The following SND1 variants were observed in gnomAD, a reference collection of about 807,000 sequenced individuals.
SND1 encodes staphylococcal nuclease domain-containing protein 1.
In SND1, 38 loss-of-function variants were observed where a neutral mutation model predicts 121.7. The observed-to-expected ratio is 0.31, with a 90% CI of 0.24 to 0.41. The LOEUF (loss-of-function observed/expected upper bound fraction) is 0.41. Ranked by LOEUF, SND1 falls within the 10% of genes least tolerant of loss-of-function variation. The probability of loss-of-function intolerance (pLI) is 1.00; values close to 1 mark genes in which losing one functional copy is unlikely to be tolerated. For missense variants in SND1, 868 were observed against 1,184.6 expected, an observed-to-expected ratio of 0.73 and a Z score of 3.92; for synonymous variants, 401 against 447.4, an observed-to-expected ratio of 0.90 and a Z score of 1.31.
chr7:127,767,097 C>T (rs1584558077), intron 10 of SND1, among the ~76,000 whole-genome samples: 1 of 152,080 alleles, frequency 6.6e-6, no homozygotes, highest in Non-Finnish European at 1.5e-5. Flanking sequence ...GCTTGCAAAA[C>T]TTAATCGTCA....
chr7:127,724,426 G>A (rs1464970503), intron 10 of SND1, among the ~76,000 whole-genome samples: 2 of 152,204 alleles, frequency 1.3e-5, no homozygotes, highest in African/African-American at 4.8e-5. Flanking sequence ...TGCATGAGTG[G>A]TATGACACCT....
At chr7:127,802,328 T>C (rs1158338050) in intron 10 of SND1, among the ~76,000 whole-genome samples, 1 of 152,156 alleles carries the variant, frequency 6.6e-6, no homozygotes, top group African/African-American at 2.4e-5. Context: ...TCAGGTTTTT[T>C]CTTAACATTC....
At chr7:127,724,124 G>C (rs1447410826) in intron 10 of SND1, among the ~76,000 whole-genome samples, 1 of 152,156 alleles carries the variant, frequency 6.6e-6, no homozygotes, top group East Asian at 1.9e-4. Context: ...TACTGTGTTG[G>C]GGGTGCAGCA....
intron 14 of SND1, among the ~76,000 whole-genome samples, chr7:127,918,696 T>C (rs1364083289): frequency 6.6e-6 from 1 of 152,224 alleles, no homozygotes; most frequent in African/African-American, 2.4e-5. Flanking sequence ...AGAATTGATT[T>C]AATCAGCCTT....
chr7:127,966,369 G>T (rs1471735646), intron 15 of SND1, among the ~76,000 whole-genome samples: 1 of 146,570 alleles, frequency 6.8e-6, no homozygotes, highest in Non-Finnish European at 1.5e-5. Flanking sequence ...GACATCTACA[G>T]AACTCTCCAC....
At chr7:127,761,391 G>A (rs960953181) in intron 10 of SND1, among the ~76,000 whole-genome samples, 1 of 152,208 alleles carries the variant, frequency 6.6e-6, no homozygotes, top group South Asian at 2.1e-4. Context: ...AGGTGTGAGA[G>A]CTGTGGTCAG....
chr7:127,871,845 T>C (rs1799594659), intron 12 of SND1, among the ~76,000 whole-genome samples: 1 of 152,078 alleles, frequency 6.6e-6, no homozygotes, highest in Non-Finnish European at 1.5e-5. Context: ...TGTTAAAAAT[T>C]ATAGGCTGGG....
intron 16 of SND1, among the ~76,000 whole-genome samples, chr7:128,056,594 A>T (rs1053191678): frequency 1.3e-5 from 2 of 152,208 alleles, no homozygotes; most frequent in South Asian, 4.1e-4. Context: ...CACAAAGTCA[A>T]ATAGTTTTCT....
At chr7:127,786,091 A>G (rs1797806993) in intron 10 of SND1, among the ~76,000 whole-genome samples, 1 of 150,898 alleles carries the variant, frequency 6.6e-6, no homozygotes, top group South Asian at 2.1e-4. Context: ...ATTTGTTGAC[A>G]TCCTTTTTTT....
At chr7:127,904,872 C>A in intron 14 of SND1, 53 bp downstream of exon 14, 1 of 1,135,152 alleles carries the variant, frequency 8.8e-7, no homozygotes, top group South Asian at 1.2e-5. Flanking sequence ...AAGAGCGTGT[C>A]TGCATATTTG....
intron 21 of SND1, among the ~76,000 whole-genome samples, chr7:128,088,446 C>CT (rs1047161140): frequency 0.083 from 6,680 of 80,076 alleles, 417 homozygotes; most frequent in Non-Finnish European, 0.1. Flanking sequence ...CCCTATCTCT[C>CT]TTTTTTTTTT....
intron 1 of SND1, among the ~76,000 whole-genome samples, chr7:127,682,902 A>C (rs1795751256): frequency 6.6e-6 from 1 of 152,202 alleles, no homozygotes; most frequent in Admixed American, 6.5e-5. Context: ...AAATTATAAC[A>C]ATAATCAACC....
At chr7:127,862,949 G>T (rs1049218391) in intron 12 of SND1, among the ~76,000 whole-genome samples, 6 of 152,122 alleles carry the variant, frequency 3.9e-5, no homozygotes, top group Non-Finnish European at 5.9e-5. Flanking sequence ...TGCTTTCTTT[G>T]AGAACATGTC....
At chr7:127,858,247 C>CA in intron 12 of SND1, 1 of 771,250 alleles carries the variant, frequency 1.3e-6, no homozygotes, top group African/African-American at 1.7e-5. Context: ...CCTGGGCCAC[C>CA]ATCTGGTCGG....
chr7:127,792,156 G>T (rs144938145), intron 10 of SND1, among the ~76,000 whole-genome samples: 269 of 152,222 alleles, frequency 1.8e-3, no homozygotes, highest in African/African-American at 6.1e-3. Context: ...GCATTTCTCG[G>T]TCATCACATA....
Position 127,652,292 on chromosome 7 carries a change from C to T in SND1, c.-82C>T. On this transcript the variant is annotated 5_prime_UTR_variant, in exon 1 of 24. Transcript: ENST00000354725. Reference sequence around the variant, plus strand: ...GTAGCCAGCCTGCCCCTCGCCTCGACTCCCTTTCACCAACACCGACACCCA... The same window carrying T: ...GTAGCCAGCCTGCCCCTCGCCTCGATTCCCTTTCACCAACACCGACACCCA... 2 of 1,207,888 alleles carry T rather than the reference C, an allele frequency of 1.7e-6. No individual in the cohort carries two copies. Among genetic ancestry groups the T allele is most frequent in the Admixed American group, 2.0e-5 (1 of 50,506 alleles). The allele number at this position is 1,207,888 out of a possible 1,614,324, so 74.8% of individuals were successfully genotyped here.
intron 1 of SND1, among the ~76,000 whole-genome samples, chr7:127,674,038 CCCTG>C (rs1471231624): frequency 2.0e-5 from 3 of 151,678 alleles, no homozygotes; most frequent in Non-Finnish European, 4.4e-5. Flanking sequence ...CTCCCTCCCT[CCCTG>C]CCTGCCTCCC....
chr7:127,780,735 G>A (rs1466748565), intron 10 of SND1, among the ~76,000 whole-genome samples: 4 of 152,192 alleles, frequency 2.6e-5, no homozygotes, highest in African/African-American at 7.2e-5. Flanking sequence ...GCCTTAACAG[G>A]CAAATTAGAC....
intron 17 of SND1, among the ~76,000 whole-genome samples, chr7:128,075,296 G>C (rs1312991197): frequency 2.0e-5 from 3 of 152,204 alleles, no homozygotes; most frequent in Non-Finnish European, 4.4e-5. Flanking sequence ...TGTTGCTTTT[G>C]ACTTATAGCC....
Sources: allele counts gnomAD v4.1 joint callset (sites outside exome capture counted in the v4.1 genomes callset), GRCh38; gene constraint gnomAD v4.1.1; transcripts MANE v1.5; gene names NCBI Gene and HGNC (gene_info 2026-07-23, HGNC 2026-07-21).